Variants in FAM81B observed in about 807,000 individuals in gnomAD.
The protein encoded by FAM81B is protein FAM81B.
A neutral mutation model predicts 58.7 loss-of-function variants in FAM81B; 60 were observed. That is an observed-to-expected ratio of 1.02 (90% CI 0.83 to 1.27). The LOEUF (loss-of-function observed/expected upper bound fraction) is 1.27. Ranked by LOEUF, FAM81B falls within the 50% of genes most tolerant of loss-of-function variation. FAM81B has a pLI of 0.00. For synonymous variants in FAM81B, 189 were observed against 179.6 expected (o/e 1.05, Z -0.42); for missense variants, 491 against 522.0 (o/e 0.94, Z 0.58).
At position 95,444,308 on chromosome 5, in the gene FAM81B, G is replaced by C. The variant is rs1219655066; in HGVS notation, c.894-2254G>C. ...TCATGGAGCTTAACTTTTAGTGGAG[G>C]AGATAGAACACAAATTAGTGTGCGT... On this transcript the variant is annotated intron_variant, in intron 7 of 9. Coordinates refer to ENST00000283357, the MANE Select transcript of FAM81B (RefSeq NM_152548.3). Among the ~76,000 whole-genome samples the C allele has an allele frequency of 3.3e-5, 5 of 152,180 alleles. No homozygotes were observed. The East Asian group carries it at 9.6e-4, about 29-fold the overall frequency.
chr5:95,419,293 C>G (rs989788171), intron 4 of FAM81B, among the ~76,000 whole-genome samples: 3 of 152,014 alleles, frequency 2.0e-5, no homozygotes, highest in Non-Finnish European at 2.9e-5. Context: ...TCTTCCTTTC[C>G]TAGTAAAATT....
intron 8 of FAM81B, among the ~76,000 whole-genome samples, chr5:95,447,065 T>G (rs1262209314): frequency 2.0e-5 from 3 of 152,098 alleles, no homozygotes; most frequent in African/African-American, 7.2e-5. Flanking sequence ...AGACAAGTCA[T>G]TTGACTTTTC....
intron 3 of FAM81B, among the ~76,000 whole-genome samples, chr5:95,411,915 C>T (rs1477274764): frequency 6.6e-6 from 1 of 152,100 alleles, no homozygotes; most frequent in African/African-American, 2.4e-5. Context: ...AATTTATACT[C>T]CAGTACTGCA....
At chr5:95,401,065 A>T (rs988162099) in intron 3 of FAM81B, among the ~76,000 whole-genome samples, 2 of 152,040 alleles carry the variant, frequency 1.3e-5, no homozygotes, top group Admixed American at 1.3e-4. Flanking sequence ...CCAGACATCC[A>T]CCCTGCCCTC....
At chr5:95,395,914 T>C (rs1463578910) in intron 2 of FAM81B, among the ~76,000 whole-genome samples, 197 bp from the exon 3 acceptor site, 1 of 152,224 alleles carries the variant, frequency 6.6e-6, no homozygotes, top group Non-Finnish European at 1.5e-5. Flanking sequence ...AATACAGCTC[T>C]CTAGTATCTC....
intron 4 of FAM81B, among the ~76,000 whole-genome samples, chr5:95,418,821 T>C (rs879905397): frequency 6.6e-6 from 1 of 152,114 alleles, no homozygotes; most frequent in Admixed American, 6.6e-5. Flanking sequence ...ATATTTTAGA[T>C]CTATTTTTTT....
At position 95,450,390 on chromosome 5, in the gene FAM81B, C is replaced by A. The variant is rs747980396; in HGVS notation, c.*108C>A. On this transcript the variant is annotated 3_prime_UTR_variant, in exon 10 of 10. Transcript: ENST00000283357. ...GGATGTTTACTGCTTCTAATGTCTC[C>A]TTTTAAGGAGACGAATGTACCAGAA... The A allele has an allele frequency of 2.0e-6, 3 of 1,522,218 alleles. No homozygotes were observed. The highest frequency in any genetic ancestry group is 1.8e-6 in the Non-Finnish European group (2 of 1,139,104). The allele number at this position is 1,522,218 out of a possible 1,614,324, so 94.3% of individuals were successfully genotyped here.
chr5:95,434,964 A>G (rs1431122967), intron 6 of FAM81B, among the ~76,000 whole-genome samples: 1 of 152,248 alleles, frequency 6.6e-6, no homozygotes, highest in Admixed American at 6.5e-5. Context: ...AAATTGATGA[A>G]GAAAAATTGG....
chr5:95,417,921 T>C (rs1762579833), intron 4 of FAM81B, among the ~76,000 whole-genome samples: 2 of 152,234 alleles, frequency 1.3e-5, no homozygotes, highest in Non-Finnish European at 2.9e-5. Flanking sequence ...ACAGTGTCTT[T>C]ACAAGTTTTA....
intron 4 of FAM81B, among the ~76,000 whole-genome samples, chr5:95,419,411 C>G (rs1215888137): frequency 1.3e-5 from 2 of 152,186 alleles, no homozygotes; most frequent in Admixed American, 6.5e-5. Flanking sequence ...ACACAGAACT[C>G]TCACTTTTTT....
intron 1 of FAM81B, among the ~76,000 whole-genome samples, chr5:95,392,164 A>T (rs965710916): frequency 3.9e-5 from 6 of 152,224 alleles, no homozygotes; most frequent in Non-Finnish European, 8.8e-5. Context: ...ATGGAATACT[A>T]TGCAGCCATA....
In FAM81B at chr5:95,420,405, GAGA is replaced by G; in HGVS notation, c.656+9_656+11del. Reference sequence around the variant, plus strand: ...GATCTTCGAGGAAGAGTAGCCAGGTGAGAAGAAGCATGTTGACTAATGTTTAAC... The same window carrying G: ...GATCTTCGAGGAAGAGTAGCCAGGTGAGAAGCATGTTGACTAATGTTTAAC... On this transcript the variant is annotated splice_donor_5th_base_variant and intron_variant, in intron 5 of 9. Transcript: ENST00000283357. 1 of 1,613,482 alleles carries G rather than the reference GAGA, an allele frequency of 6.2e-7. No individual in the cohort carries two copies. Among genetic ancestry groups the G allele is most frequent in the East Asian group, 2.2e-5 (1 of 44,862 alleles).
At position 95,439,236 on chromosome 5, in the gene FAM81B, G is replaced by T. The variant is rs976841984; in HGVS notation, c.893+2330G>T. On this transcript the variant is annotated intron_variant, in intron 7 of 9. Coordinates refer to ENST00000283357, the MANE Select transcript of FAM81B (RefSeq NM_152548.3). ...ATAGGCAAGCTTGCTAGGTTAAAGA[G>T]TATATATATATATATATATATATAT... is the stretch of plus-strand genomic sequence containing the variant. Among the ~76,000 whole-genome samples the T allele has an allele frequency of 1.9e-5, 2 of 105,186 alleles. 1 individual carries two copies. The highest frequency in any genetic ancestry group is 7.1e-5 in the African/African-American group (2 of 28,268). The allele number at this position is 105,186 out of a possible 152,430, so 69.0% of individuals were successfully genotyped here.
chr5:95,407,406 A>ACACG (rs1377130492), intron 3 of FAM81B, among the ~76,000 whole-genome samples: 2 of 149,602 alleles, frequency 1.3e-5, no homozygotes, highest in Non-Finnish European at 1.5e-5. Flanking sequence ...ACACACACAC[A>ACACG]CACGCACACA....
chr5:95,427,486 T>C (rs1465560113), intron 5 of FAM81B, among the ~76,000 whole-genome samples: 1 of 152,184 alleles, frequency 6.6e-6, no homozygotes, highest in African/African-American at 2.4e-5. Context: ...ACCTTTAGTA[T>C]CTTTTTAAAG....
chr5:95,413,174 C>T (rs7722912), intron 3 of FAM81B, among the ~76,000 whole-genome samples: 41,285 of 151,958 alleles, frequency 0.27, 5,843 homozygotes, highest in Non-Finnish European at 0.3. Context: ...ATATTTTTCA[C>T]CTGTGTTTTT....
chr5:95,394,375 T>C (rs957986936), intron 2 of FAM81B, among the ~76,000 whole-genome samples: 2 of 152,140 alleles, frequency 1.3e-5, no homozygotes, highest in African/African-American at 4.8e-5. Flanking sequence ...AGAGGACTAC[T>C]CTCCAAACAT....
intron 7 of FAM81B, among the ~76,000 whole-genome samples, chr5:95,439,236 G>A (rs976841984): frequency 1.1e-4 from 12 of 105,186 alleles, no homozygotes; most frequent in African/African-American, 3.5e-4. Flanking sequence ...AGGTTAAAGA[G>A]TATATATATA....
At chr5:95,423,371 CAG>C (rs1045982393) in intron 5 of FAM81B, among the ~76,000 whole-genome samples, 3 of 151,498 alleles carry the variant, frequency 2.0e-5, no homozygotes, top group African/African-American at 4.9e-5. Flanking sequence ...CGTGGGTCAT[CAG>C]AGAGAGAGGT....
Sources: gnomAD v4.1 joint callset for allele counts (sites outside exome capture counted in the v4.1 genomes callset) on GRCh38, gnomAD v4.1.1 for gene constraint, MANE v1.5 for transcripts, NCBI Gene and HGNC (gene_info 2026-07-23, HGNC 2026-07-21) for gene names.